The following MEGF8 variants were observed in gnomAD, a reference collection of about 807,000 sequenced individuals.
The protein encoded by MEGF8 is multiple EGF like domains 8, also known as multiple epidermal growth factor-like domains protein 8.
A neutral mutation model predicts 302.9 loss-of-function variants in MEGF8; 156 were observed. The observed-to-expected ratio is 0.52, with a 90% CI of 0.45 to 0.59. MEGF8 has a LOEUF of 0.59. Among genes scored for constraint, MEGF8 ranks in the 20% least tolerant of loss-of-function variants. MEGF8 has a pLI of 0.00. For missense variants in MEGF8, 3,345 were observed against 3,964.5 expected (o/e 0.84, Z 4.20); for synonymous variants, 1,621 against 1,660.5 (o/e 0.98, Z 0.58).
chr19:42,376,860 G>T lies in MEGF8; in HGVS notation c.*85G>T. ...GGGTCCCTCCACCTGGGGGCCCCTG[G>T]ACACTGTCTACTTGGAGACCACTGG... On this transcript the variant is annotated 3_prime_UTR_variant, in exon 42 of 42. Transcript: ENST00000251268. This position sits in a 1 kb window ranked among gnomAD's most constrained non-coding sequence, Gnocchi z 8.2. The T allele has an allele frequency of 7.2e-7, 1 of 1,380,054 alleles. No homozygotes were observed. 85.5% of individuals were successfully genotyped at this position (1,380,054 alleles called of 1,614,324 possible).
In MEGF8 at chr19:42,369,436, C is replaced by A; in HGVS notation, c.6642-95C>A. Reference sequence around the variant, plus strand: ...ACGGGACAGAGCAGGGATGAGCAACCAGTTGAGAAGAGGGTGGGGTAGTTG... The same window carrying A: ...ACGGGACAGAGCAGGGATGAGCAACAAGTTGAGAAGAGGGTGGGGTAGTTG... On this transcript the variant is annotated intron_variant, in intron 37 of 41. Coordinates refer to ENST00000251268, the MANE Select transcript of MEGF8 (RefSeq NM_001271938.2). The surrounding 1 kb of genome is among the most constrained non-coding windows in gnomAD (Gnocchi z 5.7). 4 of 1,302,274 alleles carry A rather than the reference C, an allele frequency of 3.1e-6. No individual in the cohort carries two copies. Among genetic ancestry groups the A allele is most frequent in the South Asian group, 1.3e-5 (1 of 74,368 alleles). The allele number at this position is 1,302,274 out of a possible 1,614,324, so 80.7% of individuals were successfully genotyped here.
At position 42,355,829 on chromosome 19, in the gene MEGF8, C is replaced by T. The variant is rs762968675; in HGVS notation, c.4216C>T (p.Arg1406Cys). 5.1e-6 allele frequency: 8 copies of T among 1,570,710 alleles called. No homozygotes were observed. The highest frequency in any genetic ancestry group is 2.4e-5 in the East Asian group (1 of 42,536). ...CTTCAATGCTTCGGTGGGCTCTGCC[C>T]GCTGTGGGTCAGGGGGCCCCGGGAG... ...WGFNASVGSA[R>C]CGSGGPGSCP... Residue 1406 changes from arginine to cysteine, a missense_variant, in exon 24 of 42, where the codon CGC (arginine) becomes TGC (cysteine). Arg to Cys is a radical substitution (Grantham distance 180, BLOSUM62 -3). Transcript: ENST00000251268.
At chr19:42,362,314 G>C (rs1057090680) in intron 33 of MEGF8, 70 bp from the exon 34 acceptor site, 2 of 1,610,450 alleles carry the variant, frequency 1.2e-6, no homozygotes, top group Non-Finnish European at 1.7e-6. Context: ...AGGGTCTCAG[G>C]AACCACCGAG....
Position 42,368,418 on chromosome 19 carries a change from C to T in MEGF8, c.6274-37C>T, listed in dbSNP as rs2147506187. On this transcript the variant is annotated intron_variant, in intron 35 of 41. Transcript: ENST00000251268. This position sits in a 1 kb window ranked among gnomAD's most constrained non-coding sequence, Gnocchi z 4.9. Reference sequence around the variant, plus strand: ...TGTTTAAGCTTATTTCCCCATCTCTCTCTTCCCTGCATCCCCATCCCCTCC... The same window carrying T: ...TGTTTAAGCTTATTTCCCCATCTCTTTCTTCCCTGCATCCCCATCCCCTCC... 6.6e-7 allele frequency: 1 copy of T among 1,506,608 alleles called. No homozygotes were observed. Among genetic ancestry groups the T allele is most frequent in the Middle Eastern group, 1.7e-4 (1 of 5,764 alleles). The allele number at this position is 1,506,608 out of a possible 1,614,324, so 93.3% of individuals were successfully genotyped here.
rs760135291 is a variant in MEGF8 at position 42,348,493 on chromosome 19, CAG to C, written c.2298+22_2298+23del. ...ACATGGTGAGGCCGCCTGGGACATT[CAG>C]GGGGTTGTTTATGGTAAATAGGGAG... On this transcript the variant is annotated intron_variant, in intron 13 of 41. Coordinates refer to ENST00000251268, the MANE Select transcript of MEGF8 (RefSeq NM_001271938.2). The C allele has an allele frequency of 1.1e-4, 162 of 1,498,216 alleles. No individual in the cohort carries two copies. In the Admixed American group the frequency reaches 1.1e-3, roughly 10 times the overall value. 92.8% of individuals were successfully genotyped at this position (1,498,216 alleles called of 1,614,324 possible).
In MEGF8 at chr19:42,354,803, A is replaced by C; in HGVS notation, c.4144+83A>C. The C allele has an allele frequency of 3.5e-6, 5 of 1,447,806 alleles. No individual in the cohort carries two copies. The highest frequency in any genetic ancestry group is 3.7e-6 in the Non-Finnish European group (4 of 1,081,598). The allele number at this position is 1,447,806 out of a possible 1,614,324, so 89.7% of individuals were successfully genotyped here. On this transcript the variant is annotated intron_variant, in intron 23 of 41. Coordinates refer to ENST00000251268, the MANE Select transcript of MEGF8 (RefSeq NM_001271938.2). This position sits in a 1 kb window ranked among gnomAD's most constrained non-coding sequence, Gnocchi z 4.3. ...TGAACTCACCACCTGAAGTGGGCTC[A>C]GGACCCAGCTCTGCCGCTGCTTATG...
chr19:42,326,188 C>A lies in MEGF8; in HGVS notation c.-56C>A. The A allele has an allele frequency of 6.9e-7, 1 of 1,448,668 alleles. No homozygotes were observed. The highest frequency in any genetic ancestry group is 1.6e-5 in the South Asian group (1 of 63,126). 89.7% of individuals were successfully genotyped at this position (1,448,668 alleles called of 1,614,324 possible). A position where few individuals can be genotyped will look rare whatever the true frequency, so the allele number is the denominator to read the frequency against. Reference sequence around the variant, plus strand: ...CAGGGCCTCACCCCGGGTAGAGGGTCCTCTCCAGGTTTTTACGGCCTGTCC... The same window carrying A: ...CAGGGCCTCACCCCGGGTAGAGGGTACTCTCCAGGTTTTTACGGCCTGTCC... On this transcript the variant is annotated 5_prime_UTR_variant, in exon 1 of 42. Transcript: ENST00000251268.
intron 12 of MEGF8, among the ~76,000 whole-genome samples, chr19:42,345,492 T>C (rs1014148941): frequency 6.6e-6 from 1 of 152,214 alleles, no homozygotes; most frequent in African/African-American, 2.4e-5. Context: ...GTTTTCCATC[T>C]CTGGATTTGC....
Position 42,351,702 on chromosome 19 carries a change from G to A in MEGF8, c.3042G>A (p.Glu1014=), listed in dbSNP as rs1327943391. 1.3e-6 allele frequency: 2 copies of A among 1,596,290 alleles called. No homozygotes were observed. Among genetic ancestry groups the A allele is most frequent in the South Asian group, 1.1e-5 (1 of 87,834 alleles). Residue 1014 remains glutamate, a synonymous_variant, in exon 18 of 42, where the codon GAG becomes GAA. Coordinates refer to ENST00000251268, the MANE Select transcript of MEGF8 (RefSeq NM_001271938.2). This position sits in a 1 kb window ranked among gnomAD's most constrained non-coding sequence, Gnocchi z 5.6. The part of the protein sequence containing the change: ...RSCDGFLTCH[E]CLQSHECGWC... ...GCGATGGCTTCCTGACCTGCCATGAGTGTCTGCAGAGCCACGAGTGTGGCT... is the reference window on the plus strand; with the variant it reads ...GCGATGGCTTCCTGACCTGCCATGAATGTCTGCAGAGCCACGAGTGTGGCT...
At position 42,353,523 on chromosome 19, in the gene MEGF8, A is replaced by G. The variant is rs759555622; in HGVS notation, c.3609A>G (p.Thr1203=). The G allele has an allele frequency of 2.5e-6, 4 of 1,609,226 alleles. No individual in the cohort carries two copies. The highest frequency in any genetic ancestry group is 3.4e-5 in the Admixed American group (2 of 59,616). The change falls in exon 21 of 42, where the codon ACA becomes ACG. Residue 1203 remains threonine, a synonymous_variant. Coordinates refer to ENST00000251268, the MANE Select transcript of MEGF8 (RefSeq NM_001271938.2). The surrounding 1 kb of genome is among the most constrained non-coding windows in gnomAD (Gnocchi z 6.1). ...GGCCCGGCAGCTTCGGCAACGCCAC[A>G]GGCTCTAGGGGCTGCCGGCCCTGCC... ...RCRPGSFGNA[T]GSRGCRPCQC...
intron 2 of MEGF8, 65 bp from the exon 3 acceptor site, chr19:42,333,941 TG>T: frequency 6.5e-7 from 1 of 1,544,542 alleles, no homozygotes; most frequent in Non-Finnish European, 8.8e-7. Flanking sequence ...GGGGCAGGAG[TG>T]GGCCACCCTC....
intron 35 of MEGF8, among the ~76,000 whole-genome samples, chr19:42,366,050 C>G (rs868686438): frequency 6.6e-6 from 1 of 152,014 alleles, no homozygotes; most frequent in African/African-American, 2.4e-5. Context: ...CCACTGTACT[C>G]CAGCCTGGGT....
chr19:42,334,156 T>G lies in MEGF8; in HGVS notation c.501T>G (p.Pro167=), dbSNP rs771980126. The change falls in exon 3 of 42, where the codon CCT becomes CCG. Residue 167 remains proline (P), a synonymous_variant. Coordinates refer to ENST00000251268, the MANE Select transcript of MEGF8 (RefSeq NM_001271938.2). ...CCTGCGAGCCGGGCTGGGGGGGTCC[T>G]GACTGTGGCCTGCAGGAGTGCTCAG... ...VCACEPGWGG[P]DCGLQECSAY... 6.2e-7 allele frequency: 1 copy of G among 1,611,404 alleles called. No homozygotes were observed. The highest frequency in any genetic ancestry group is 8.5e-7 in the Non-Finnish European group (1 of 1,179,612).
chr19:42,353,769 C>G lies in MEGF8; in HGVS notation c.3762-6C>G. 1 of 1,592,846 alleles carries G rather than the reference C, an allele frequency of 6.3e-7. No individual in the cohort carries two copies. Among genetic ancestry groups the G allele is most frequent in the East Asian group, 2.2e-5 (1 of 44,568 alleles). The stretch of plus-strand genomic sequence containing the variant: ...GTCTGACACTGGCTCTTCTCCATCT[C>G]CCCAGGGCCGGTGGTTCCTGCTTTC... On this transcript the variant is annotated splice_polypyrimidine_tract_variant and splice_region_variant and intron_variant, in intron 21 of 41. Transcript: ENST00000251268. This position sits in a 1 kb window ranked among gnomAD's most constrained non-coding sequence, Gnocchi z 6.1.
At chr19:42,326,767 G>C (rs1462498266) in intron 1 of MEGF8, among the ~76,000 whole-genome samples, 1 of 149,694 alleles carries the variant, frequency 6.7e-6, no homozygotes, top group Admixed American at 6.6e-5. Context: ...TTTGAGATGG[G>C]GGCCTCACTC....
In MEGF8 at chr19:42,352,762, GCTTGGTGA is replaced by G. The variant is rs2039395320; in HGVS notation, c.3351-165_3351-158del. On this transcript the variant is annotated intron_variant, in intron 19 of 41. Coordinates refer to ENST00000251268, the MANE Select transcript of MEGF8 (RefSeq NM_001271938.2). The surrounding 1 kb of genome is among the most constrained non-coding windows in gnomAD (Gnocchi z 4.4). ...TGCTATGTGGTTGCTATAGAGACAG[GCTTGGTGA>G]TGCATGGAGTTACCTTGGAGACAGG... 9.3e-6 allele frequency: 6 copies of G among 644,500 alleles called. No individual in the cohort carries two copies. The highest frequency in any genetic ancestry group is 1.1e-5 in the Non-Finnish European group (4 of 372,918). 39.9% of individuals were successfully genotyped at this position (644,500 alleles called of 1,614,324 possible).
chr19:42,373,860 A>G (rs2039728211), intron 41 of MEGF8, among the ~76,000 whole-genome samples: 1 of 151,658 alleles, frequency 6.6e-6, no homozygotes, highest in Non-Finnish European at 1.5e-5. Flanking sequence ...CTATAGGCAC[A>G]CACCACCATG....
chr19:42,350,505 T>G, intron 15 of MEGF8, 121 bp downstream of exon 15: 1 of 874,936 alleles, frequency 1.1e-6, no homozygotes, highest in South Asian at 1.8e-5. Flanking sequence ...GGCCTTGATC[T>G]GCAGAGCCTG....
rs766704197 is a variant in MEGF8 at position 42,336,822 on chromosome 19, G to A, written c.1260G>A (p.Val420=). The change falls in exon 7 of 42, where the codon GTG becomes GTA. Residue 420 remains valine, a synonymous_variant. Coordinates refer to ENST00000251268, the MANE Select transcript of MEGF8 (RefSeq NM_001271938.2). This position sits in a 1 kb window ranked among gnomAD's most constrained non-coding sequence, Gnocchi z 4.8. ...CCTTCGGTAGGTTCTCTGTGCGAGT[G>A]AACTCCACTGAGCTTTTCCACGTGG... ...RPSTARFSVR[V]NSTELFHVDR... The A allele has an allele frequency of 6.3e-7, 1 of 1,598,450 alleles. No individual in the cohort carries two copies. The highest frequency in any genetic ancestry group is 8.5e-7 in the Non-Finnish European group (1 of 1,171,902).
Sources: allele counts gnomAD v4.1 joint callset (sites outside exome capture counted in the v4.1 genomes callset), GRCh38; gene constraint gnomAD v4.1.1; non-coding constraint Gnocchi (gnomAD v3.1); transcripts MANE v1.5; gene names NCBI Gene and HGNC (gene_info 2026-07-23, HGNC 2026-07-21).